The following PPARGC1A variants were observed in gnomAD, a reference collection of about 807,000 sequenced individuals.
The protein encoded by PPARGC1A is peroxisome proliferator-activated receptor gamma coactivator 1-alpha.
In PPARGC1A, 25 loss-of-function variants were observed where a neutral mutation model predicts 88.7. That is an observed-to-expected ratio of 0.28 (90% CI 0.21 to 0.39). The LOEUF (loss-of-function observed/expected upper bound fraction) is 0.39. PPARGC1A is among the 10% of genes least tolerant of loss of function. PPARGC1A has a pLI of 1.00. For synonymous variants in PPARGC1A, 363 were observed against 355.6 expected, an observed-to-expected ratio of 1.02 and a Z score of -0.24; for missense variants, 880 against 968.7, an observed-to-expected ratio of 0.91 and a Z score of 1.22.
chr4:23,824,224 C>CACACACACATATACAGACAG, intron 7 of PPARGC1A, 56 bp downstream of exon 7: 1 of 1,419,960 alleles, frequency 7.0e-7, no homozygotes, highest in Non-Finnish European at 9.9e-7. Flanking sequence ...TCTTATTACA[C>CACACACACATATACAGACAG]ACACACACAT....
the PPARGC1A span, among the ~76,000 whole-genome samples, chr4:24,035,151 G>C: frequency 6.6e-6 from 1 of 152,042 alleles, no homozygotes; most frequent in African/African-American, 2.4e-5. Flanking sequence ...AAACTAACAG[G>C]GCAGTCCATA....
chr4:23,983,711 A>G, the PPARGC1A span, among the ~76,000 whole-genome samples: 1 of 152,046 alleles, frequency 6.6e-6, no homozygotes, highest in Non-Finnish European at 1.5e-5. Flanking sequence ...TAGGTAGGAG[A>G]CAGAGGAAGG....
chr4:24,361,121 C>T, the PPARGC1A span, among the ~76,000 whole-genome samples: 16 of 152,022 alleles, frequency 1.1e-4, no homozygotes, highest in Admixed American at 3.3e-4. Flanking sequence ...GAAGGAACTG[C>T]GGCAACAGCA....
the PPARGC1A span, among the ~76,000 whole-genome samples, chr4:24,417,983 T>C: frequency 1.3e-5 from 2 of 151,834 alleles, no homozygotes; most frequent in Admixed American, 1.3e-4. Context: ...CTATTTATTT[T>C]GTTTTTTCTG....
At chr4:24,225,244 G>T in the PPARGC1A span, among the ~76,000 whole-genome samples, 1 of 152,148 alleles carries the variant, frequency 6.6e-6, no homozygotes, top group African/African-American at 2.4e-5. Context: ...TAGCTAACAG[G>T]CTTGGACCAC....
chr4:24,119,487 T>C, the PPARGC1A span, among the ~76,000 whole-genome samples: 1 of 152,134 alleles, frequency 6.6e-6, no homozygotes, highest in Non-Finnish European at 1.5e-5. Context: ...TGTCAGGATA[T>C]CAAATTAGCA....
At chr4:24,097,982 A>G in the PPARGC1A span, among the ~76,000 whole-genome samples, 1 of 152,230 alleles carries the variant, frequency 6.6e-6, no homozygotes, top group African/African-American at 2.4e-5. Flanking sequence ...GTTATTGACA[A>G]TTATGCCTGT....
At chr4:24,449,880 A>G in the PPARGC1A span, among the ~76,000 whole-genome samples, 24 of 152,118 alleles carry the variant, frequency 1.6e-4, no homozygotes, top group Non-Finnish European at 2.6e-4. Context: ...CTGGAGTTTT[A>G]CCTTCTAATT....
chr4:24,073,107 T>A, the PPARGC1A span, among the ~76,000 whole-genome samples: 142 of 152,298 alleles, frequency 9.3e-4, no homozygotes, highest in African/African-American at 3.2e-3. Context: ...AGTGGCACGA[T>A]CTCAGTTCAC....
chr4:24,126,022 TGTAG>T, the PPARGC1A span, among the ~76,000 whole-genome samples: 1 of 152,208 alleles, frequency 6.6e-6, no homozygotes, highest in South Asian at 2.1e-4. Context: ...GACCTATTGA[TGTAG>T]TCATCATTAT....
intron 2 of PPARGC1A, among the ~76,000 whole-genome samples, chr4:23,871,090 C>G (rs1713254444): frequency 6.6e-6 from 1 of 152,096 alleles, no homozygotes; most frequent in Non-Finnish European, 1.5e-5. Flanking sequence ...CTATGTGGGT[C>G]CCCAGACTTA....
intron 12 of PPARGC1A, among the ~76,000 whole-genome samples, chr4:23,797,357 CA>C (rs35589683): frequency 0.27 from 38,936 of 144,844 alleles, 5,487 homozygotes; most frequent in Admixed American, 0.38. Context: ...TTTGTAGAGA[CA>C]AAAAAAAAAA....
the PPARGC1A span, among the ~76,000 whole-genome samples, chr4:23,989,172 C>T: frequency 2.0e-5 from 3 of 151,820 alleles, no homozygotes; most frequent in Admixed American, 2.0e-4. Context: ...GATCTAATAC[C>T]TTCTAAACTT....
the PPARGC1A span, among the ~76,000 whole-genome samples, chr4:24,049,441 T>C: frequency 1.3e-5 from 2 of 151,080 alleles, no homozygotes; most frequent in African/African-American, 4.9e-5. Context: ...AGGAATAGAA[T>C]GGAGGGATAA....
At chr4:24,393,544 T>C in the PPARGC1A span, among the ~76,000 whole-genome samples, 1 of 152,208 alleles carries the variant, frequency 6.6e-6, no homozygotes, top group Admixed American at 6.5e-5. Flanking sequence ...TAACTCTCAC[T>C]AGAGGGATCA....
chr4:24,067,172 G>A, the PPARGC1A span, among the ~76,000 whole-genome samples: 1 of 152,058 alleles, frequency 6.6e-6, no homozygotes. Flanking sequence ...AATCTGAAAT[G>A]TGTCTTCTTG....
the PPARGC1A span, among the ~76,000 whole-genome samples, chr4:23,940,520 A>G: frequency 6.6e-6 from 1 of 152,250 alleles, no homozygotes; most frequent in South Asian, 2.1e-4. Flanking sequence ...AGATTCTGCT[A>G]TCATGTTAAA....
chr4:24,468,005 G>T, the PPARGC1A span, among the ~76,000 whole-genome samples: 2 of 152,206 alleles, frequency 1.3e-5, no homozygotes, highest in Non-Finnish European at 2.9e-5. Context: ...GGTGAGTAAA[G>T]TCAGATGTCT....
At chr4:24,281,760 C>T in the PPARGC1A span, among the ~76,000 whole-genome samples, 1 of 152,152 alleles carries the variant, frequency 6.6e-6, no homozygotes, top group African/African-American at 2.4e-5. Flanking sequence ...CCCCCCCACC[C>T]CCAATCTTTT....
Sources: gnomAD v4.1 joint callset for allele counts (sites outside exome capture counted in the v4.1 genomes callset) on GRCh38, gnomAD v4.1.1 for gene constraint, MANE v1.5 for transcripts, NCBI Gene and HGNC (gene_info 2026-07-23, HGNC 2026-07-21) for gene names.